Variants in KCND2 observed in about 807,000 individuals in gnomAD.
The protein encoded by KCND2 is A-type voltage-gated potassium channel KCND2.
Under a neutral mutation model 54.4 loss-of-function variants are expected in KCND2, and 16 were observed. The ratio of observed to expected loss-of-function variants is 0.29; its 90% CI spans 0.20 to 0.45. KCND2 has a LOEUF of 0.45. Among genes scored for constraint, KCND2 ranks in the 20% least tolerant of loss-of-function variants. The pLI is 1.00. For missense variants in KCND2, 486 were observed against 824.2 expected (o/e 0.59, Z 5.02); for synonymous variants, 317 against 310.7 (o/e 1.02, Z -0.21).
At chr7:120,439,146 A>G (rs886108059) in intron 1 of KCND2, among the ~76,000 whole-genome samples, 11 of 152,104 alleles carry the variant, frequency 7.2e-5, no homozygotes, top group Non-Finnish European at 1.3e-4. Context: ...ATTGCCTTTC[A>G]GAAGAAATTA....
At chr7:120,486,904 T>C (rs1802702786) in intron 1 of KCND2, among the ~76,000 whole-genome samples, 1 of 152,012 alleles carries the variant, frequency 6.6e-6, no homozygotes, top group Non-Finnish European at 1.5e-5. Context: ...CCAATTTAAA[T>C]GAATTGAACT....
intron 1 of KCND2, among the ~76,000 whole-genome samples, chr7:120,640,326 A>G (rs1474388453): frequency 1.3e-5 from 2 of 152,230 alleles, no homozygotes; most frequent in African/African-American, 2.4e-5. Flanking sequence ...GGGCTCAATA[A>G]ATATACGTTA....
At chr7:120,387,350 C>A (rs556266038) in intron 1 of KCND2, among the ~76,000 whole-genome samples, 1 of 151,842 alleles carries the variant, frequency 6.6e-6, no homozygotes, top group African/African-American at 2.4e-5. Flanking sequence ...GAGGTAAAGA[C>A]GATGGCTTGA....
intron 1 of KCND2, among the ~76,000 whole-genome samples, chr7:120,438,316 A>G (rs1416291472): frequency 6.6e-6 from 1 of 152,110 alleles, no homozygotes; most frequent in Non-Finnish European, 1.5e-5. Context: ...AGTTTTCACA[A>G]TCCTCTCTTG....
chr7:120,360,772 C>T (rs1384062931), intron 1 of KCND2, among the ~76,000 whole-genome samples: 1 of 151,988 alleles, frequency 6.6e-6, no homozygotes, highest in Non-Finnish European at 1.5e-5. Flanking sequence ...TCAATTTAAA[C>T]ACACCAAAAC....
At chr7:120,562,312 G>A (rs1792245979) in intron 1 of KCND2, among the ~76,000 whole-genome samples, 1 of 152,082 alleles carries the variant, frequency 6.6e-6, no homozygotes, top group African/African-American at 2.4e-5. Flanking sequence ...TAAAACATGA[G>A]AACGTTATAT....
At position 120,388,445 on chromosome 7, in the gene KCND2, G is replaced by T. The variant is rs535333969; in HGVS notation, c.1115+112698G>T. 3.9e-5 allele frequency among the ~76,000 whole-genome samples: 6 copies of T among 152,150 alleles called. No homozygotes were observed. In the South Asian group the frequency reaches 1.2e-3, roughly 32 times the overall value. Reference sequence around the variant, plus strand: ...AACTATATGCTCAATGAATATATGTGTGAATTAGTTTCTTCTTAGCAAACC... The same window carrying T: ...AACTATATGCTCAATGAATATATGTTTGAATTAGTTTCTTCTTAGCAAACC... On this transcript the variant is annotated intron_variant, in intron 1 of 5. Coordinates refer to ENST00000331113, the MANE Select transcript of KCND2 (RefSeq NM_012281.3).
At chr7:120,654,012 C>A (rs1328609257) in intron 1 of KCND2, among the ~76,000 whole-genome samples, 1 of 152,040 alleles carries the variant, frequency 6.6e-6, no homozygotes, top group African/African-American at 2.4e-5. Context: ...GACTTAAATG[C>A]CTTCAGAACA....
chr7:120,669,381 A>C (rs113510656), intron 1 of KCND2, among the ~76,000 whole-genome samples: 173 of 152,224 alleles, frequency 1.1e-3, no homozygotes, highest in African/African-American at 4.0e-3. Context: ...TTAACTGGCC[A>C]GACTACTATA....
intron 1 of KCND2, among the ~76,000 whole-genome samples, chr7:120,699,708 A>ATGGTGATG (rs1792376984): frequency 6.6e-6 from 1 of 152,198 alleles, no homozygotes; most frequent in African/African-American, 2.4e-5. Flanking sequence ...GAAATGTCAA[A>ATGGTGATG]TGGTGATGTC....
intron 1 of KCND2, among the ~76,000 whole-genome samples, chr7:120,630,918 C>G (rs1346188127): frequency 6.6e-6 from 1 of 152,168 alleles, no homozygotes; most frequent in East Asian, 1.9e-4. Flanking sequence ...GAGAATCGCA[C>G]TAACTGCATC....
chr7:120,642,829 G>A (rs989198990), intron 1 of KCND2, among the ~76,000 whole-genome samples: 7 of 152,276 alleles, frequency 4.6e-5, no homozygotes, highest in African/African-American at 1.4e-4. Flanking sequence ...AACAGGTTAA[G>A]TGATTTGCCA....
chr7:120,341,832 G>C (rs1044312135), intron 1 of KCND2, among the ~76,000 whole-genome samples: 1 of 151,902 alleles, frequency 6.6e-6, no homozygotes, highest in Non-Finnish European at 1.5e-5. Flanking sequence ...AACAAGGAGG[G>C]GTTAATTGCA....
chr7:120,369,832 A>G (rs1027279525), intron 1 of KCND2, among the ~76,000 whole-genome samples: 4 of 152,066 alleles, frequency 2.6e-5, no homozygotes, highest in African/African-American at 9.7e-5. Context: ...CTTGGAATCA[A>G]TGAACAAAAG....
At chr7:120,600,571 A>T (rs1308950902) in intron 1 of KCND2, among the ~76,000 whole-genome samples, 1 of 152,044 alleles carries the variant, frequency 6.6e-6, no homozygotes, top group Non-Finnish European at 1.5e-5. Flanking sequence ...ATTCAAAAGA[A>T]AGCCAACAGA....
At chr7:120,401,324 A>G (rs1442092205) in intron 1 of KCND2, among the ~76,000 whole-genome samples, 2 of 152,132 alleles carry the variant, frequency 1.3e-5, no homozygotes, top group African/African-American at 4.8e-5. Flanking sequence ...TGCCTTTTTC[A>G]TGTTAGTAAA....
chr7:120,664,489 AGAAAG>A (rs1419293762), intron 1 of KCND2, among the ~76,000 whole-genome samples: 1 of 152,056 alleles, frequency 6.6e-6, no homozygotes, highest in Admixed American at 6.5e-5. Flanking sequence ...GAGGAAAAGA[AGAAAG>A]GAAGGAAAAG....
At chr7:120,477,283 T>C (rs1050412752) in intron 1 of KCND2, among the ~76,000 whole-genome samples, 1 of 152,128 alleles carries the variant, frequency 6.6e-6, no homozygotes, top group Non-Finnish European at 1.5e-5. Flanking sequence ...AACTATGGAC[T>C]TTGCGTGATA....
intron 1 of KCND2, among the ~76,000 whole-genome samples, chr7:120,706,485 G>A (rs572266043): frequency 1.3e-5 from 2 of 152,148 alleles, no homozygotes; most frequent in Non-Finnish European, 2.9e-5. Context: ...AGGCAGAAGG[G>A]CAAGCTAGCC....
Sources: gnomAD v4.1 joint callset for allele counts (sites outside exome capture counted in the v4.1 genomes callset) on GRCh38, gnomAD v4.1.1 for gene constraint, MANE v1.5 for transcripts, NCBI Gene and HGNC (gene_info 2026-07-23, HGNC 2026-07-21) for gene names.